Variants in GABRR2 observed in about 807,000 individuals in gnomAD.
GABRR2 encodes the protein gamma-aminobutyric acid type A receptor subunit rho2, also known as gamma-aminobutyric acid receptor subunit rho-2.
Under a neutral mutation model 47.0 loss-of-function variants are expected in GABRR2, and 36 were observed. The observed-to-expected ratio is 0.77, with a 90% confidence interval of 0.59 to 1.01. GABRR2 has a LOEUF of 1.01. Ranked by LOEUF, GABRR2 falls within the 50% of genes least tolerant of loss-of-function variation. GABRR2 has a pLI of 0.00. For synonymous variants in GABRR2, 204 were observed against 227.5 expected (o/e 0.90, Z 0.93); for missense variants, 587 against 594.6 (o/e 0.99, Z 0.13).
At chr6:89,313,721 A>G (rs1380144027) in intron 1 of GABRR2, among the ~76,000 whole-genome samples, 2 of 152,218 alleles carry the variant, frequency 1.3e-5, no homozygotes, top group African/African-American at 2.4e-5. Flanking sequence ...GTTTGAGACC[A>G]GCCTGGCCAA....
rs957215401 is a variant in GABRR2 at position 89,256,160 on chromosome 6, T to A, written c.*1510A>T. Among the ~76,000 whole-genome samples, 3 of 149,532 alleles carry A rather than the reference T, an allele frequency of 2.0e-5. No homozygotes were observed. Among genetic ancestry groups the A allele is most frequent in the Non-Finnish European group, 4.4e-5 (3 of 67,556 alleles). ...TGAGACAGCCCAGATCTAGGATGCA[T>A]TCTGCTCCATTTCTTCTTCTTAAAA... On this transcript the variant is annotated 3_prime_UTR_variant, in exon 9 of 9. Transcript: ENST00000402938.
rs1773575506 is a variant in GABRR2, at chr6:89,255,040, T to C, written c.*2630A>G. Among the ~76,000 whole-genome samples, 1 of 152,046 alleles carries C rather than the reference T, an allele frequency of 6.6e-6. No individual in the cohort carries two copies. ...CAATGCAGTCAGAAGCAGAGAAGGG[T>C]TGGAATTAAATAAGACTTACAAGCA... On this transcript the variant is annotated 3_prime_UTR_variant, in exon 9 of 9. Transcript: ENST00000402938.
At chr6:89,294,921 G>A in intron 2 of GABRR2, among the ~76,000 whole-genome samples, 1 of 151,580 alleles carries the variant, frequency 6.6e-6, no homozygotes, top group Non-Finnish European at 1.5e-5. Flanking sequence ...ATAGTTTGCT[G>A]AGAATGATGG....
At chr6:89,278,508 A>G (rs73503949) in intron 2 of GABRR2, among the ~76,000 whole-genome samples, 6,130 of 152,328 alleles carry the variant, frequency 0.04, 430 homozygotes, top group African/African-American at 0.14. Flanking sequence ...GTGACTTAAA[A>G]GCTTGTCTGA....
intron 2 of GABRR2, among the ~76,000 whole-genome samples, chr6:89,279,696 A>AC (rs34140672): frequency 0.3 from 43,916 of 146,874 alleles, 6,488 homozygotes; most frequent in Admixed American, 0.33. Flanking sequence ...AAAAAAAAAA[A>AC]CCCCACTGAT....
intron 2 of GABRR2, among the ~76,000 whole-genome samples, chr6:89,297,853 G>A (rs947201017): frequency 2.7e-5 from 4 of 150,664 alleles, no homozygotes; most frequent in Non-Finnish European, 5.9e-5. Flanking sequence ...ACTCCGTCTC[G>A]AAAAAAAAAG....
chr6:89,297,188 G>A (rs1170514196), intron 2 of GABRR2, among the ~76,000 whole-genome samples: 6 of 152,200 alleles, frequency 3.9e-5, no homozygotes, highest in Non-Finnish European at 8.8e-5. Context: ...TTATGATTGT[G>A]TTGGTTTAAT....
chr6:89,262,537 C>CT (rs1375045312), intron 8 of GABRR2, among the ~76,000 whole-genome samples: 1 of 152,126 alleles, frequency 6.6e-6, no homozygotes, highest in African/African-American at 2.4e-5. Context: ...ATAAAGTCTC[C>CT]TTTTTCAAAT....
intron 2 of GABRR2, among the ~76,000 whole-genome samples, chr6:89,292,754 C>CA (rs1554198082): frequency 1.2e-4 from 8 of 68,394 alleles, no homozygotes; most frequent in East Asian, 1.1e-3. Flanking sequence ...TCGTATATAT[C>CA]GTATATACGA....
chr6:89,310,936 G>A (rs573274017), intron 1 of GABRR2, among the ~76,000 whole-genome samples: 1 of 152,216 alleles, frequency 6.6e-6, no homozygotes, highest in South Asian at 2.1e-4. Flanking sequence ...GCCTATTATA[G>A]CTTCACAGGT....
chr6:89,285,924 G>T (rs1370192913), intron 2 of GABRR2, among the ~76,000 whole-genome samples: 1 of 151,806 alleles, frequency 6.6e-6, no homozygotes, highest in East Asian at 1.9e-4. Context: ...TCCCTCTGGG[G>T]TCTCTGTGAC....
chr6:89,298,350 G>T (rs1376798092), intron 2 of GABRR2, among the ~76,000 whole-genome samples: 1 of 152,174 alleles, frequency 6.6e-6, no homozygotes, highest in Non-Finnish European at 1.5e-5. Flanking sequence ...TTTCAGAGGG[G>T]ACAGGAACAA....
chr6:89,290,155 G>C (rs1388229728), intron 2 of GABRR2, among the ~76,000 whole-genome samples: 1 of 152,212 alleles, frequency 6.6e-6, no homozygotes, highest in East Asian at 1.9e-4. Context: ...CTATCCTGCT[G>C]TTTTGACAAA....
chr6:89,257,684 A>T lies in GABRR2; in HGVS notation c.1384T>A (p.Ser462Thr). The change falls in exon 9 of 9, where the codon TCA becomes ACA. Residue 462 changes from serine to threonine, a missense_variant. By Grantham distance (58) the Ser-to-Thr change is moderately conservative (BLOSUM62 1). Coordinates refer to ENST00000402938, the MANE Select transcript of GABRR2 (RefSeq NM_002043.5). ...SYIFFNLIYW[S>T]VFS The stretch of plus-strand genomic sequence containing the variant: ...CCTTGGAGCCCCTAGGAAAACACTG[A>T]CCAATAAATTAAGTTGAAAAATATG... The T allele has an allele frequency of 6.2e-7, 1 of 1,612,522 alleles. No homozygotes were observed. Among genetic ancestry groups the T allele is most frequent in the Non-Finnish European group, 8.5e-7 (1 of 1,179,160 alleles).
At chr6:89,264,886 A>C (rs966572691) in intron 7 of GABRR2, among the ~76,000 whole-genome samples, 1 of 152,104 alleles carries the variant, frequency 6.6e-6, no homozygotes, top group African/African-American at 2.4e-5. Context: ...ATGTGGAATT[A>C]AAGACAGCGA....
intron 1 of GABRR2, chr6:89,302,109 C>A: frequency 1.6e-6 from 1 of 618,706 alleles, no homozygotes; most frequent in Non-Finnish European, 3.1e-6. Flanking sequence ...ACGGAGGGTG[C>A]GGAGCTGGTG....
At chr6:89,297,036 C>T (rs1372616668) in intron 2 of GABRR2, among the ~76,000 whole-genome samples, 1 of 152,146 alleles carries the variant, frequency 6.6e-6, no homozygotes, top group Admixed American at 6.5e-5. Flanking sequence ...AGGTACAACA[C>T]ATTGTTCGGA....
intron 7 of GABRR2, 81 bp from the exon 8 acceptor site, chr6:89,264,689 CTCTA>C: frequency 6.6e-7 from 1 of 1,522,092 alleles, no homozygotes; most frequent in Non-Finnish European, 9.0e-7. Flanking sequence ...ATTTTACACT[CTCTA>C]TCTCTTAAAC....
At chr6:89,291,517 C>G (rs1238618075) in intron 2 of GABRR2, among the ~76,000 whole-genome samples, 1 of 151,902 alleles carries the variant, frequency 6.6e-6, no homozygotes, top group East Asian at 1.9e-4. Context: ...TGGACCTGCT[C>G]CTGCTCCCTG....
Sources: gnomAD v4.1 joint callset for allele counts (sites outside exome capture counted in the v4.1 genomes callset) on GRCh38, gnomAD v4.1.1 for gene constraint, MANE v1.5 for transcripts, NCBI Gene and HGNC (gene_info 2026-07-23, HGNC 2026-07-21) for gene names.